Variants in TRAK1 observed in about 807,000 individuals in gnomAD.
TRAK1 encodes trafficking kinesin-binding protein 1.
TRAK1 carries 33 observed loss-of-function variants against 92.1 expected under a neutral mutation model. That is an observed-to-expected ratio of 0.36 (90% CI 0.27 to 0.48). TRAK1 has a LOEUF of 0.48. TRAK1 is among the 20% of genes least tolerant of loss of function. The pLI is 0.99. For missense variants in TRAK1, 1,123 were observed against 1,257.9 expected, an observed-to-expected ratio of 0.89 and a Z score of 1.62; for synonymous variants, 521 against 517.3, an observed-to-expected ratio of 1.01 and a Z score of -0.10.
At chr3:42,100,274 G>A (rs1488974999) in intron 1 of TRAK1, among the ~76,000 whole-genome samples, 1 of 152,196 alleles carries the variant, frequency 6.6e-6, no homozygotes, top group East Asian at 1.9e-4. Flanking sequence ...GGCTGAGGTG[G>A]GAGGATCACT....
chr3:42,081,292 C>T (rs1440139411), intron 1 of TRAK1, among the ~76,000 whole-genome samples: 1 of 152,078 alleles, frequency 6.6e-6, no homozygotes, highest in South Asian at 2.1e-4. Flanking sequence ...CTTAGGAGTC[C>T]CTCAGGTGGT....
intron 13 of TRAK1, among the ~76,000 whole-genome samples, chr3:42,204,431 C>T (rs1708085865): frequency 2.0e-5 from 3 of 152,152 alleles, no homozygotes; most frequent in South Asian, 4.1e-4. Context: ...GTTAGATTAG[C>T]AAGGTGAATT....
At chr3:42,186,003 G>A (rs1256383358) in intron 4 of TRAK1, among the ~76,000 whole-genome samples, 2 of 56,556 alleles carry the variant, frequency 3.5e-5, no homozygotes, top group Non-Finnish European at 6.4e-5. Context: ...TTTTTTTTGA[G>A]ATAAGGTCTC....
At chr3:42,138,766 C>G (rs952340145) in intron 2 of TRAK1, among the ~76,000 whole-genome samples, 3 of 147,982 alleles carry the variant, frequency 2.0e-5, no homozygotes, top group Non-Finnish European at 4.5e-5. Context: ...AAATGCAGTA[C>G]ACCTATATAA....
intron 2 of TRAK1, among the ~76,000 whole-genome samples, chr3:42,148,711 G>T (rs893077211): frequency 6.6e-6 from 1 of 152,176 alleles, no homozygotes; most frequent in Admixed American, 6.5e-5. Context: ...TTTTCTAGAA[G>T]TTTGAGCAAA....
intron 1 of TRAK1, among the ~76,000 whole-genome samples, chr3:42,050,799 A>G (rs1196328078): frequency 1.3e-5 from 2 of 152,126 alleles, no homozygotes; most frequent in Non-Finnish European, 2.9e-5. Flanking sequence ...CTGGGATTAC[A>G]GGCCTGTGCC....
intron 3 of TRAK1, among the ~76,000 whole-genome samples, chr3:42,183,674 G>A (rs1349648088): frequency 6.6e-6 from 1 of 151,952 alleles, no homozygotes; most frequent in Non-Finnish European, 1.5e-5. Context: ...TCAGAACCTA[G>A]GACTCCTCCC....
upstream of TRAK1, among the ~76,000 whole-genome samples, chr3:42,087,941 G>A (rs889318542): frequency 2.6e-5 from 4 of 152,144 alleles, no homozygotes; most frequent in Non-Finnish European, 4.4e-5. Context: ...ACATCTGTGC[G>A]GGCACTTAGT....
At chr3:42,030,718 A>C (rs1326322922) in intron 1 of TRAK1, among the ~76,000 whole-genome samples, 2 of 16,128 alleles carry the variant, frequency 1.2e-4, no homozygotes, top group Non-Finnish European at 6.6e-4. Flanking sequence ...ATATATATAT[A>C]TATATATATA....
rs1007112520 is a variant in TRAK1, at chr3:42,218,486, G to T, written c.1964-1008G>T. The T allele has an allele frequency of 4.1e-6, 4 of 984,908 alleles. No individual in the cohort carries two copies. The South Asian group carries it at 1.4e-4, about 35-fold the overall frequency. 61.0% of individuals were successfully genotyped at this position (984,908 alleles called of 1,614,324 possible). On this transcript the variant is annotated intron_variant, in intron 14 of 15. Coordinates refer to ENST00000327628, the MANE Select transcript of TRAK1 (RefSeq NM_001042646.3). Reference sequence around the variant, plus strand: ...GGGAGAATCATCCCGGCACTTCATCGTGCATGCTATTTCGGGCAGCATCTT... The same window carrying T: ...GGGAGAATCATCCCGGCACTTCATCTTGCATGCTATTTCGGGCAGCATCTT...
chr3:42,032,493 A>AAAAC (rs1391310806), intron 1 of TRAK1, among the ~76,000 whole-genome samples: 5 of 152,106 alleles, frequency 3.3e-5, no homozygotes, highest in African/African-American at 1.2e-4. Flanking sequence ...AAAAAAAAAA[A>AAAAC]AAACCATCTT....
intron 1 of TRAK1, among the ~76,000 whole-genome samples, chr3:42,103,186 G>A (rs977236221): frequency 2.0e-5 from 3 of 151,462 alleles, no homozygotes; most frequent in Non-Finnish European, 4.4e-5. Context: ...TTTTTCTTTT[G>A]AGATGAAGTC....
At chr3:42,197,781 G>A (rs1559370273) in intron 10 of TRAK1, among the ~76,000 whole-genome samples, 1 of 152,186 alleles carries the variant, frequency 6.6e-6, no homozygotes, top group Non-Finnish European at 1.5e-5. Context: ...GCTGACTCCT[G>A]TGGAGTCTCC....
Position 42,223,011 on chromosome 3 carries a change from A to G in TRAK1, c.2136A>G (p.Pro712=), listed in dbSNP as rs371347127. 2.5e-6 allele frequency: 4 copies of G among 1,613,968 alleles called. No homozygotes were observed. The highest frequency in any genetic ancestry group is 1.6e-4 in the Middle Eastern group (1 of 6,062). ...SHLKSTPVAT[P]CTPRRLSLAE... ...TGAAATCCACGCCGGTGGCCACACC[A>G]TGCACTCCACGGAGACTGAGCCTGG... The change falls in exon 16 of 16, where the codon CCA becomes CCG. Residue 712 remains proline (P), a synonymous_variant. Transcript: ENST00000327628. This position sits in a 1 kb window ranked among gnomAD's most constrained non-coding sequence, Gnocchi z 6.1.
chr3:42,059,057 C>T (rs534425138), intron 1 of TRAK1, among the ~76,000 whole-genome samples: 118 of 151,996 alleles, frequency 7.8e-4, no homozygotes, highest in African/African-American at 2.4e-3. Context: ...CACAAATATA[C>T]ATACGTATGA....
chr3:42,200,795 C>T (rs34791918), intron 11 of TRAK1, 23 bp from the exon 12 acceptor site: 33 of 1,612,502 alleles, frequency 2.0e-5, no homozygotes, highest in Middle Eastern at 1.6e-4. Flanking sequence ...TGCTCACTCA[C>T]GGATGCCGTG....
chr3:42,197,928 G>A (rs6605326), intron 10 of TRAK1, among the ~76,000 whole-genome samples: 117,257 of 152,140 alleles, frequency 0.77, 45,476 homozygotes, highest in East Asian at 0.99. Context: ...AATCAATTAA[G>A]TTAAAATATA....
At chr3:42,165,887 G>A (rs973708539) in intron 2 of TRAK1, among the ~76,000 whole-genome samples, 3 of 152,030 alleles carry the variant, frequency 2.0e-5, no homozygotes, top group African/African-American at 7.2e-5. Context: ...TAATAGTGGG[G>A]TACCAGCATC....
chr3:42,219,244 C>T (rs569240388), intron 14 of TRAK1: 1 of 981,600 alleles, frequency 1.0e-6, no homozygotes, highest in African/African-American at 1.8e-5. Context: ...CCCAAGAATA[C>T]TGATGAGAAA....
Sources: allele counts gnomAD v4.1 joint callset (sites outside exome capture counted in the v4.1 genomes callset), GRCh38; gene constraint gnomAD v4.1.1; non-coding constraint Gnocchi (gnomAD v3.1); transcripts MANE v1.5; gene names NCBI Gene and HGNC (gene_info 2026-07-23, HGNC 2026-07-21).